The following NALCN variants were observed in gnomAD, a reference collection of about 807,000 sequenced individuals.
NALCN encodes sodium leak channel NALCN.
A neutral mutation model predicts 225.3 loss-of-function variants in NALCN; 111 were observed. The ratio of observed to expected loss-of-function variants is 0.49; its 90% CI spans 0.42 to 0.58. The LOEUF (loss-of-function observed/expected upper bound fraction) is 0.58, where lower values mean the gene tolerates loss of function less well. Among genes scored for constraint, NALCN ranks in the 20% least tolerant of loss-of-function variants. The pLI, the probability that NALCN is intolerant of heterozygous loss-of-function variation, is 0.00. For synonymous variants in NALCN, 764 were observed against 769.0 expected (o/e 0.99, Z 0.11); for missense variants, 1,378 against 2,202.4 (o/e 0.63, Z 7.49).
rs1424861271 is a variant in NALCN at position 101,055,450 on chromosome 13, A to AGTT, written c.5059_5061dup (p.Asn1687dup). The AGTT allele has an allele frequency of 6.2e-7, 1 of 1,614,024 alleles. No individual in the cohort carries two copies. The highest frequency in any genetic ancestry group is 8.5e-7 in the Non-Finnish European group (1 of 1,180,020). Reference sequence around the variant, plus strand: ...ATGGTTGTCCTTCCTCCAAACCGTAAGTTGACTGAGGACACTGAATGGCTT... The same window carrying AGTT: ...ATGGTTGTCCTTCCTCCAAACCGTAAGTTGTTGACTGAGGACACTGAATGGCTT... On this transcript the variant is annotated inframe_insertion, in exon 44 of 44. Transcript: ENST00000251127.
chr13:101,122,403 T>C (rs906613757), intron 18 of NALCN, among the ~76,000 whole-genome samples: 1 of 152,200 alleles, frequency 6.6e-6, no homozygotes, highest in Non-Finnish European at 1.5e-5. Flanking sequence ...TTCTGTAGTA[T>C]GCTGGGCTGC....
intron 9 of NALCN, among the ~76,000 whole-genome samples, chr13:101,289,065 T>A (rs1357809230): frequency 6.6e-6 from 1 of 152,196 alleles, no homozygotes; most frequent in Non-Finnish European, 1.5e-5. Context: ...ACTAAAAAGT[T>A]GTGGCCTGGG....
At position 101,291,984 on chromosome 13, in the gene NALCN, G is replaced by A. The variant is rs2043572139; in HGVS notation, c.1047+6C>T. 6.2e-7 allele frequency: 1 copy of A among 1,613,650 alleles called. No homozygotes were observed. Among genetic ancestry groups the A allele is most frequent in the Admixed American group, 1.7e-5 (1 of 59,922 alleles). ...GGGTTATAACATCCTCTTGCTGATAGCGTACCTGGGTGGTGGCTGTTGAGG... is the reference window on the plus strand; with the variant it reads ...GGGTTATAACATCCTCTTGCTGATAACGTACCTGGGTGGTGGCTGTTGAGG... On this transcript the variant is annotated splice_donor_region_variant and intron_variant, in intron 9 of 43. Transcript: ENST00000251127.
At chr13:101,335,598 T>C (rs963100332) in intron 7 of NALCN, among the ~76,000 whole-genome samples, 1 of 152,164 alleles carries the variant, frequency 6.6e-6, no homozygotes, top group Non-Finnish European at 1.5e-5. Flanking sequence ...TTTAGTTGAA[T>C]TCTATTGCCT....
intron 10 of NALCN, among the ~76,000 whole-genome samples, chr13:101,283,665 A>C (rs2043243147): frequency 6.6e-6 from 1 of 152,158 alleles, no homozygotes; most frequent in Non-Finnish European, 1.5e-5. Flanking sequence ...ATAAGATTTC[A>C]CATGTCAACA....
At chr13:101,117,194 T>C (rs890065530) in intron 18 of NALCN, among the ~76,000 whole-genome samples, 14 of 152,224 alleles carry the variant, frequency 9.2e-5, no homozygotes, top group African/African-American at 2.7e-4. Flanking sequence ...CAGAACTTCA[T>C]TGTAGGCAGA....
intron 14 of NALCN, among the ~76,000 whole-genome samples, chr13:101,189,137 T>G (rs971160094): frequency 2.0e-5 from 3 of 152,172 alleles, no homozygotes; most frequent in Non-Finnish European, 4.4e-5. Context: ...GTTTTTCTCT[T>G]TAGTGTTACA....
intron 12 of NALCN, among the ~76,000 whole-genome samples, chr13:101,230,878 C>T (rs980508489): frequency 6.6e-6 from 1 of 152,100 alleles, no homozygotes; most frequent in African/African-American, 2.4e-5. Flanking sequence ...TTTAGTCATG[C>T]ATCGCATAAC....
intron 13 of NALCN, among the ~76,000 whole-genome samples, chr13:101,205,309 T>A (rs182560923): frequency 6.6e-5 from 10 of 152,208 alleles, no homozygotes; most frequent in Non-Finnish European, 1.5e-4. Flanking sequence ...CTCTACTGAT[T>A]AACATTTTTA....
At chr13:101,121,647 A>G (rs1297895249) in intron 18 of NALCN, among the ~76,000 whole-genome samples, 1 of 152,178 alleles carries the variant, frequency 6.6e-6, no homozygotes, top group African/African-American at 2.4e-5. Context: ...TCTCTTCCAG[A>G]TTTCTTTTAT....
At chr13:101,278,366 T>C (rs1481350973) in intron 10 of NALCN, among the ~76,000 whole-genome samples, 2 of 151,448 alleles carry the variant, frequency 1.3e-5, no homozygotes, top group Non-Finnish European at 2.9e-5. Flanking sequence ...CTACTAAAAA[T>C]ACAAAAATCA....
chr13:101,094,435 C>T (rs928483600), intron 28 of NALCN, among the ~76,000 whole-genome samples: 2 of 151,966 alleles, frequency 1.3e-5, no homozygotes, highest in Admixed American at 6.6e-5. Flanking sequence ...ACATTTACTT[C>T]CATGATATTA....
intron 1 of NALCN, among the ~76,000 whole-genome samples, chr13:101,401,045 A>C (rs1443562935): frequency 6.6e-6 from 1 of 152,126 alleles, no homozygotes; most frequent in Non-Finnish European, 1.5e-5. Context: ...TTCCTTTATA[A>C]ATTAGCCAGC....
chr13:101,409,004 T>C (rs1053235715), intron 1 of NALCN, among the ~76,000 whole-genome samples: 1 of 152,244 alleles, frequency 6.6e-6, no homozygotes, highest in Non-Finnish European at 1.5e-5. Flanking sequence ...TATTTTTCTC[T>C]GGTTATTTCT....
At chr13:101,345,559 G>A in intron 6 of NALCN, 139 bp from the exon 7 acceptor site, 1 of 979,414 alleles carries the variant, frequency 1.0e-6, no homozygotes. Context: ...TTGCACTTTG[G>A]GAGGCATAGG....
At chr13:101,205,245 C>T (rs1422061056) in intron 13 of NALCN, among the ~76,000 whole-genome samples, 1 of 152,008 alleles carries the variant, frequency 6.6e-6, no homozygotes, top group Non-Finnish European at 1.5e-5. Flanking sequence ...TAATGCTTGG[C>T]TGATTAATGA....
intron 10 of NALCN, among the ~76,000 whole-genome samples, chr13:101,275,016 T>C (rs1209752307): frequency 6.6e-6 from 1 of 152,166 alleles, no homozygotes; most frequent in Admixed American, 6.5e-5. Flanking sequence ...CAAACGACTT[T>C]GGGTTTGCTC....
intron 28 of NALCN, among the ~76,000 whole-genome samples, chr13:101,092,120 CA>C (rs1417941023): frequency 6.6e-6 from 1 of 152,062 alleles, no homozygotes; most frequent in East Asian, 1.9e-4. Context: ...AAAAGGTTGT[CA>C]TTTTTTCTGG....
chr13:101,317,480 A>G (rs2044592037), intron 7 of NALCN, among the ~76,000 whole-genome samples: 1 of 152,192 alleles, frequency 6.6e-6, no homozygotes, highest in South Asian at 2.1e-4. Flanking sequence ...CGTAAGCATC[A>G]TTGGTTTAAA....
Sources: gnomAD v4.1 joint callset for allele counts (sites outside exome capture counted in the v4.1 genomes callset) on GRCh38, gnomAD v4.1.1 for gene constraint, MANE v1.5 for transcripts, NCBI Gene and HGNC (gene_info 2026-07-23, HGNC 2026-07-21) for gene names.